ATP7A: variants seen among roughly 807,000 people sequenced by gnomAD.
ATP7A encodes the protein ATPase copper transporting alpha, also known as copper-transporting ATPase 1.
Under a neutral mutation model 83.5 loss-of-function variants are expected in ATP7A, and 7 were observed. That is an observed-to-expected ratio of 0.08 (90% CI 0.05 to 0.16). ATP7A has a LOEUF of 0.16. Ranked by LOEUF, ATP7A falls within the 10% of genes least tolerant of loss-of-function variation. ATP7A has a pLI of 1.00. For synonymous variants in ATP7A, 354 were observed against 395.2 expected, an observed-to-expected ratio of 0.90 and a Z score of 1.24; for missense variants, 940 against 1,120.8, an observed-to-expected ratio of 0.84 and a Z score of 2.30.
At chrX:78,005,002 G>T (rs2077764299) in intron 6 of ATP7A, among the ~76,000 whole-genome samples, 1 of 111,082 alleles carries the variant, frequency 9.0e-6, no homozygotes, top group Non-Finnish European at 1.9e-5. Context: ...GATTGCTTGA[G>T]CCTGGGAGGT....
chrX:77,969,585 C>T (rs2077533902), intron 1 of ATP7A: 1 of 1,212,222 alleles, frequency 8.2e-7, no homozygotes, highest in East Asian at 3.0e-5. Context: ...AGCGGTTCTC[C>T]AGGTTCCATG....
chrX:77,983,954 G>A (rs1557231128), intron 2 of ATP7A, among the ~76,000 whole-genome samples: 3 of 111,621 alleles, frequency 2.7e-5, no homozygotes, highest in Non-Finnish European at 5.6e-5. Flanking sequence ...CAAAGTGCTG[G>A]GATTACAGGC....
At chrX:77,924,854 G>A (rs887448359) in intron 1 of ATP7A, among the ~76,000 whole-genome samples, 24 of 111,696 alleles carry the variant, frequency 2.1e-4, no homozygotes, top group African/African-American at 7.8e-4. Flanking sequence ...ACCACGCCCA[G>A]CTTATTTTTG....
intron 1 of ATP7A, among the ~76,000 whole-genome samples, chrX:77,945,353 T>C (rs1277264369): frequency 1.8e-5 from 2 of 110,661 alleles, no homozygotes; most frequent in Non-Finnish European, 1.9e-5. Context: ...AACTTTTTTG[T>C]ATTTTTTGTA....
chrX:78,010,342 A>G lies in ATP7A; in HGVS notation c.1870-834A>G, dbSNP rs743913. ...GACTCCAAAAGCTCATGCTTGTTCT[A>G]TTCACTGTGCACTGCCAACAAATGT... On this transcript the variant is annotated intron_variant, in intron 7 of 22. Transcript: ENST00000341514. Among the ~76,000 whole-genome samples, 409 of 111,926 alleles carry G rather than the reference A, an allele frequency of 3.7e-3. 11 individuals are homozygous for G. The East Asian group carries it at 0.043, about 12-fold the overall frequency.
intron 22 of ATP7A, among the ~76,000 whole-genome samples, chrX:78,045,938 G>A (rs946152833): frequency 3.6e-5 from 4 of 111,977 alleles, no homozygotes; most frequent in South Asian, 7.5e-4. Flanking sequence ...AGCTGAGATC[G>A]TGCCACTGCA....
At chrX:78,009,363 T>C (rs782213423) in intron 7 of ATP7A, 100 bp downstream of exon 7, 1 of 931,863 alleles carries the variant, frequency 1.1e-6, no homozygotes, top group Non-Finnish European at 1.6e-6. Flanking sequence ...TGAAAAAAAA[T>C]CTAACTCCTT....
intron 4 of ATP7A, among the ~76,000 whole-genome samples, chrX:77,990,529 G>A (rs1422785635): frequency 9.9e-5 from 11 of 111,427 alleles, no homozygotes; most frequent in African/African-American, 2.6e-4. Context: ...TATAATGGGG[G>A]AAGCCAGTGC....
At chrX:77,974,759 G>GAATT in intron 2 of ATP7A, 1 of 297,105 alleles carries the variant, frequency 3.4e-6, no homozygotes, top group Non-Finnish European at 5.9e-6. Flanking sequence ...TTAAGATGGT[G>GAATT]AATTACACTG....
intron 4 of ATP7A, 111 bp from the exon 5 acceptor site, chrX:77,998,367 G>A (rs1440135731): frequency 8.9e-6 from 7 of 789,101 alleles, no homozygotes; most frequent in South Asian, 4.3e-5. Context: ...GAACTTGCTC[G>A]TTTTAAAGGA....
chrX:78,011,376 TGTA>T, intron 8 of ATP7A, 70 bp from the exon 9 acceptor site: 1 of 1,051,137 alleles, frequency 9.5e-7, no homozygotes, highest in Non-Finnish European at 1.3e-6. Flanking sequence ...TATATCTCTC[TGTA>T]GTATGTAGAA....
chrX:77,973,335 CT>C (rs2077559447), intron 2 of ATP7A, among the ~76,000 whole-genome samples: 1 of 111,526 alleles, frequency 9.0e-6, no homozygotes, highest in African/African-American at 3.3e-5. Flanking sequence ...ACGTGGTGTC[CT>C]CATTGGTAAG....
At chrX:77,928,579 T>C (rs1417791658) in intron 1 of ATP7A, among the ~76,000 whole-genome samples, 1 of 111,285 alleles carries the variant, frequency 9.0e-6, no homozygotes, top group Non-Finnish European at 1.9e-5. Flanking sequence ...CTTGGCATCT[T>C]GACTTCCTAA....
rs782205068 is a variant in ATP7A, at chrX:78,003,219, G to A, written c.1690G>A (p.Gly564Ser). 3 of 1,208,148 alleles carry A rather than the reference G, an allele frequency of 2.5e-6. No homozygotes were observed. The African/African-American group carries it at 5.3e-5, about 21-fold the overall frequency. Residue 564 changes from glycine to serine, a missense_variant, in exon 6 of 23, where the codon GGT becomes AGT. Coordinates refer to ENST00000341514, the MANE Select transcript of ATP7A (RefSeq NM_000052.7). ...GATAGAAAATGCTGATGAAGGAGAT[G>A]GTGTTTTGGAACTTGTTGTAAGTAA... ...TVIENADEGD[G>S]VLELVVRGMT...
intron 20 of ATP7A, 132 bp from the exon 21 acceptor site, chrX:78,043,185 T>G (rs1444993877): frequency 1.7e-6 from 1 of 583,226 alleles, no homozygotes; most frequent in Non-Finnish European, 2.8e-6. Flanking sequence ...GTTTTAGCAT[T>G]ATCTGAGATT....
chrX:77,959,446 T>C (rs141405256), intron 1 of ATP7A, among the ~76,000 whole-genome samples: 1 of 111,800 alleles, frequency 8.9e-6, no homozygotes, highest in East Asian at 2.8e-4. Flanking sequence ...CTCAGTGCTA[T>C]AGACATTTGG....
rs2078103606 is a variant in ATP7A at position 78,049,820 on chromosome X, T to A, written c.*3250T>A. On this transcript the variant is annotated 3_prime_UTR_variant, in exon 23 of 23. Transcript: ENST00000341514. Reference sequence around the variant, plus strand: ...AAATGTATGTTAAGAGAATTTTTTCTATTACTTATGGATCATGCTTTAAAA... The same window carrying A: ...AAATGTATGTTAAGAGAATTTTTTCAATTACTTATGGATCATGCTTTAAAA... The A allele has an allele frequency of 8.9e-6, 1 of 112,340 alleles. No homozygotes were observed. The highest frequency in any genetic ancestry group is 3.2e-5 in the African/African-American group (1 of 30,909). The allele number at this position is 112,340 out of a possible 1,213,427, so 9.3% of individuals were successfully genotyped here.
At chrX:77,966,087 A>G (rs1449621359) in intron 1 of ATP7A, among the ~76,000 whole-genome samples, 1 of 112,163 alleles carries the variant, frequency 8.9e-6, no homozygotes, top group African/African-American at 3.2e-5. Context: ...ATGGTTGCAC[A>G]TGTCTGTGAA....
intron 1 of ATP7A, among the ~76,000 whole-genome samples, chrX:77,955,590 T>C (rs1178504396): frequency 8.9e-6 from 1 of 111,846 alleles, no homozygotes; most frequent in African/African-American, 3.2e-5. Context: ...TGTACAATGA[T>C]CAAATCAGGG....
Sources: allele counts gnomAD v4.1 joint callset (sites outside exome capture counted in the v4.1 genomes callset), GRCh38; gene constraint gnomAD v4.1.1; transcripts MANE v1.5; gene names NCBI Gene and HGNC (gene_info 2026-07-23, HGNC 2026-07-21).